Variants in CNTNAP2 observed in about 807,000 individuals in gnomAD.
The protein encoded by CNTNAP2 is contactin associated protein 2, also known as contactin-associated protein-like 2.
In CNTNAP2, 98 loss-of-function variants were observed where a neutral mutation model predicts 155.2. The observed-to-expected ratio is 0.63, with a 90% CI of 0.54 to 0.75. The LOEUF (loss-of-function observed/expected upper bound fraction) is 0.75. Ranked by LOEUF, CNTNAP2 falls within the 30% of genes least tolerant of loss-of-function variation. The pLI is 0.00. For synonymous variants in CNTNAP2, 651 were observed against 631.2 expected (o/e 1.03, Z -0.47); for missense variants, 1,727 against 1,688.1 (o/e 1.02, Z -0.40).
chr7:146,927,203 G>A (rs1394047136), intron 3 of CNTNAP2, among the ~76,000 whole-genome samples: 1 of 152,132 alleles, frequency 6.6e-6, no homozygotes, highest in Non-Finnish European at 1.5e-5. Context: ...TGTATTTTAA[G>A]TTCCAAGAAC....
intron 21 of CNTNAP2, among the ~76,000 whole-genome samples, chr7:148,343,542 G>A (rs1369405887): frequency 6.6e-6 from 1 of 152,186 alleles, no homozygotes; most frequent in Admixed American, 6.5e-5. Flanking sequence ...TTGCAGAAAT[G>A]TATTTCCCAA....
At chr7:147,451,709 A>G (rs1220758399) in intron 10 of CNTNAP2, among the ~76,000 whole-genome samples, 1 of 151,908 alleles carries the variant, frequency 6.6e-6, no homozygotes, top group Non-Finnish European at 1.5e-5. Flanking sequence ...AGTCTAGGAT[A>G]AGAATCCTTT....
intron 21 of CNTNAP2, among the ~76,000 whole-genome samples, chr7:148,296,927 C>G (rs998430304): frequency 6.6e-6 from 1 of 152,082 alleles, no homozygotes; most frequent in Non-Finnish European, 1.5e-5. Flanking sequence ...ACTCCTAGGC[C>G]CCTGAGCCAG....
intron 1 of CNTNAP2, among the ~76,000 whole-genome samples, chr7:146,289,582 A>G (rs1438710582): frequency 1.3e-5 from 2 of 152,252 alleles, no homozygotes; most frequent in East Asian, 3.8e-4. Flanking sequence ...ATCAACAGGT[A>G]CAAGTCAAAT....
At chr7:146,372,756 T>C (rs541124960) in intron 1 of CNTNAP2, among the ~76,000 whole-genome samples, 1 of 152,262 alleles carries the variant, frequency 6.6e-6, no homozygotes, top group Non-Finnish European at 1.5e-5. Flanking sequence ...CCACAGGAGT[T>C]CAGCTCAAAT....
At position 146,326,790 on chromosome 7, in the gene CNTNAP2, T is replaced by C. The variant is rs1044149714; in HGVS notation, c.97+209817T>C. 3.3e-5 allele frequency among the ~76,000 whole-genome samples: 5 copies of C among 152,366 alleles called. No individual in the cohort carries two copies. The South Asian group carries it at 1.0e-3, about 32-fold the overall frequency. ...AACTAATTTACTATCACCTTTGTGA[T>C]AGAAACAGCTTGATCTAAAATTTGT... is the stretch of plus-strand genomic sequence containing the variant. On this transcript the variant is annotated intron_variant, in intron 1 of 23. Transcript: ENST00000361727.
At chr7:146,491,094 CAAAA>C (rs964586859) in intron 1 of CNTNAP2, among the ~76,000 whole-genome samples, 1 of 150,920 alleles carries the variant, frequency 6.6e-6, no homozygotes, top group African/African-American at 2.4e-5. Flanking sequence ...AAAGCCCCCC[CAAAA>C]AAAACAAAAC....
chr7:148,174,396 G>A (rs1794894099), intron 18 of CNTNAP2, among the ~76,000 whole-genome samples: 1 of 147,088 alleles, frequency 6.8e-6, no homozygotes, highest in Non-Finnish European at 1.5e-5. Context: ...GTAGCCTGGT[G>A]CCTGCACAGC....
chr7:146,957,084 T>C (rs1041048986), intron 3 of CNTNAP2, among the ~76,000 whole-genome samples: 2 of 152,128 alleles, frequency 1.3e-5, no homozygotes, highest in African/African-American at 4.8e-5. Context: ...AATTTTGTCA[T>C]AGTGTAAATA....
At chr7:147,019,822 A>T (rs1294313492) in intron 3 of CNTNAP2, among the ~76,000 whole-genome samples, 1 of 152,176 alleles carries the variant, frequency 6.6e-6, no homozygotes, top group Non-Finnish European at 1.5e-5. Context: ...ACAACTAATT[A>T]GTTCTAATCA....
rs752756517 is a variant in CNTNAP2, at chr7:147,977,936, G to A, written c.2330G>A (p.Arg777His). 2.5e-5 allele frequency: 41 copies of A among 1,613,954 alleles called. No individual in the cohort carries two copies. Among genetic ancestry groups the A allele is most frequent in the Non-Finnish European group, 3.1e-5 (36 of 1,180,008 alleles). Reference protein sequence around the residue: ...VSQVVVGDTDRQGSEAKLSVG... With the variant: ...VSQVVVGDTDHQGSEAKLSVG... Reference sequence around the variant, plus strand: ...CAAGTGGTGGTTGGAGATACTGACCGTCAAGGCTCAGAAGCCAAATTGAGC... The same window carrying A: ...CAAGTGGTGGTTGGAGATACTGACCATCAAGGCTCAGAAGCCAAATTGAGC... Residue 777 changes from arginine to histidine, a missense_variant, in exon 15 of 24, where the codon CGT becomes CAT. Physicochemically the swap from Arg to His is conservative, Grantham distance 29 (BLOSUM62 0). Transcript: ENST00000361727.
intron 3 of CNTNAP2, among the ~76,000 whole-genome samples, chr7:146,933,732 A>G (rs1255602267): frequency 6.6e-6 from 1 of 151,894 alleles, no homozygotes; most frequent in Non-Finnish European, 1.5e-5. Context: ...GAACTCAAAC[A>G]AATTTACAAG....
chr7:148,313,615 A>G (rs1797635301), intron 21 of CNTNAP2, among the ~76,000 whole-genome samples: 1 of 152,158 alleles, frequency 6.6e-6, no homozygotes, highest in African/African-American at 2.4e-5. Flanking sequence ...TTTGTCTCAC[A>G]GTGGAGGCAA....
At chr7:146,942,332 C>G (rs1228102408) in intron 3 of CNTNAP2, among the ~76,000 whole-genome samples, 1 of 152,034 alleles carries the variant, frequency 6.6e-6, no homozygotes. Flanking sequence ...CACTTACTCT[C>G]CCTCAGCAGA....
chr7:146,294,013 G>A (rs187328852), intron 1 of CNTNAP2, among the ~76,000 whole-genome samples: 4 of 151,934 alleles, frequency 2.6e-5, no homozygotes, highest in Non-Finnish European at 4.4e-5. Context: ...AAAGATTTCC[G>A]TGACACCTTA....
chr7:148,284,286 G>A (rs571864172), intron 21 of CNTNAP2, among the ~76,000 whole-genome samples: 3 of 152,174 alleles, frequency 2.0e-5, no homozygotes, highest in African/African-American at 7.2e-5. Context: ...CCCCCATACT[G>A]TTCTCATGGT....
intron 13 of CNTNAP2, among the ~76,000 whole-genome samples, chr7:147,647,499 T>C (rs1017823839): frequency 1.3e-5 from 2 of 152,192 alleles, no homozygotes; most frequent in South Asian, 4.1e-4. Context: ...GTGATCACCA[T>C]TTTTTCTGAA....
intron 3 of CNTNAP2, among the ~76,000 whole-genome samples, chr7:146,985,009 A>G (rs1455923102): frequency 1.3e-5 from 2 of 152,198 alleles, no homozygotes; most frequent in Non-Finnish European, 2.9e-5. Flanking sequence ...ATTTAGTGAA[A>G]TTAACCTTTT....
At chr7:148,123,774 AAGAAAACTAGTTTGC>A (rs1363794986) in intron 16 of CNTNAP2, among the ~76,000 whole-genome samples, 1 of 152,168 alleles carries the variant, frequency 6.6e-6, no homozygotes, top group Non-Finnish European at 1.5e-5. Context: ...GAATAGAAGG[AAGAAAACTAGTTTGC>A]AGAAAACTAA....
Sources: gnomAD v4.1 joint callset for allele counts (sites outside exome capture counted in the v4.1 genomes callset) on GRCh38, gnomAD v4.1.1 for gene constraint, MANE v1.5 for transcripts, NCBI Gene and HGNC (gene_info 2026-07-23, HGNC 2026-07-21) for gene names.